Variants in ZNF14 observed in about 807,000 individuals in gnomAD.
ZNF14 encodes the protein zinc finger protein 14.
ZNF14 carries 9 observed loss-of-function variants against 11.3 expected under a neutral mutation model. The ratio of observed to expected loss-of-function variants is 0.80; its 90% CI spans 0.48 to 1.39. ZNF14 has a LOEUF of 1.39. ZNF14 is among the 40% of genes most tolerant of loss of function. The pLI is 0.00. For missense variants in ZNF14, 711 were observed against 763.9 expected (o/e 0.93, Z 0.82); for synonymous variants, 239 against 245.7 (o/e 0.97, Z 0.25).
At position 19,731,685 on chromosome 19, in the gene ZNF14, C is replaced by A. The variant is rs562399285; in HGVS notation, c.3+1271G>T. 3.9e-5 allele frequency among the ~76,000 whole-genome samples: 6 copies of A among 152,268 alleles called. No homozygotes were observed. In the South Asian group the frequency reaches 1.2e-3, roughly 32 times the overall value. On this transcript the variant is annotated intron_variant, in intron 1 of 3. Coordinates refer to ENST00000344099, the MANE Select transcript of ZNF14 (RefSeq NM_021030.3). ...AACACACTGACCTATTACAACCACA[C>A]GAGGAAAGAAAAAATCACAACATAC...
At chr19:19,719,004 G>A (rs778279498) in intron 1 of ZNF14, among the ~76,000 whole-genome samples, 1 of 152,128 alleles carries the variant, frequency 6.6e-6, no homozygotes, top group Non-Finnish European at 1.5e-5. Flanking sequence ...GGCCCCAAGT[G>A]ATCTGCCCAC....
chr19:19,720,344 T>A lies in ZNF14; in HGVS notation c.4-5857A>T, dbSNP rs2062389545. On this transcript the variant is annotated intron_variant, in intron 1 of 3. Coordinates refer to ENST00000344099, the MANE Select transcript of ZNF14 (RefSeq NM_021030.3). This position sits in a 1 kb window ranked among gnomAD's most constrained non-coding sequence, Gnocchi z 4.1. ...CATTCTGGAACATAAAACATATCTTTTTTTTTTTTTTTTGAGATGGAGTCT... is the reference window on the plus strand; with the variant it reads ...CATTCTGGAACATAAAACATATCTTATTTTTTTTTTTTTGAGATGGAGTCT... 6.6e-6 allele frequency among the ~76,000 whole-genome samples: 1 copy of A among 151,030 alleles called. No individual in the cohort carries two copies. The highest frequency in any genetic ancestry group is 2.1e-4 in the South Asian group (1 of 4,772).
At chr19:19,731,089 C>T (rs1313208744) in intron 1 of ZNF14, among the ~76,000 whole-genome samples, 1 of 152,150 alleles carries the variant, frequency 6.6e-6, no homozygotes, top group African/African-American at 2.4e-5. Flanking sequence ...TCACAACTAG[C>T]TTTTGACCCA....
Position 19,720,760 on chromosome 19 carries a change from T to C in ZNF14, c.4-6273A>G, listed in dbSNP as rs2062391047. On this transcript the variant is annotated intron_variant, in intron 1 of 3. Transcript: ENST00000344099. This position sits in a 1 kb window ranked among gnomAD's most constrained non-coding sequence, Gnocchi z 4.1. ...GACTACACAAGTGACATCAGATCAATGAGATACACAATGGAATTTCCACCT... is the reference window on the plus strand; with the variant it reads ...GACTACACAAGTGACATCAGATCAACGAGATACACAATGGAATTTCCACCT... Among the ~76,000 whole-genome samples the C allele has an allele frequency of 6.6e-6, 1 of 152,124 alleles. No individual in the cohort carries two copies. Among genetic ancestry groups the C allele is most frequent in the South Asian group, 2.1e-4 (1 of 4,826 alleles).
Position 19,722,118 on chromosome 19 carries a change from C to A in ZNF14, c.4-7631G>T, listed in dbSNP as rs1020063139. ...ACCACATAAACCAGGGTAACACAAG[C>A]ATACACACCACTGCAGACAAATGAC... On this transcript the variant is annotated intron_variant, in intron 1 of 3. Coordinates refer to ENST00000344099, the MANE Select transcript of ZNF14 (RefSeq NM_021030.3). Among the ~76,000 whole-genome samples the A allele has an allele frequency of 7.2e-5, 11 of 152,152 alleles. 1 individual carries two copies. Among genetic ancestry groups the A allele is most frequent in the Non-Finnish European group, 1.3e-4 (9 of 68,022 alleles).
At chr19:19,718,500 C>T (rs983717512) in intron 1 of ZNF14, among the ~76,000 whole-genome samples, 2 of 151,896 alleles carry the variant, frequency 1.3e-5, no homozygotes, top group East Asian at 1.9e-4. Context: ...CAGAAAATTA[C>T]AAAAAGTGGA....
intron 1 of ZNF14, among the ~76,000 whole-genome samples, chr19:19,715,032 T>C (rs1454875837): frequency 6.6e-6 from 1 of 152,168 alleles, no homozygotes; most frequent in African/African-American, 2.4e-5. Flanking sequence ...ATTTTTACTG[T>C]GATCATGTGA....
intron 1 of ZNF14, among the ~76,000 whole-genome samples, chr19:19,722,555 G>A (rs1160653657): frequency 7.9e-5 from 12 of 152,084 alleles, no homozygotes; most frequent in Non-Finnish European, 1.8e-4. Flanking sequence ...TTGCTATATG[G>A]GCTCTTTTTT....
intron 1 of ZNF14, among the ~76,000 whole-genome samples, chr19:19,719,137 C>T (rs948166004): frequency 1.3e-5 from 2 of 151,922 alleles, no homozygotes; most frequent in Non-Finnish European, 2.9e-5. Context: ...AAGACAAAAC[C>T]CCCAACCACA....
At chr19:19,723,638 G>GT (rs1212968512) in intron 1 of ZNF14, among the ~76,000 whole-genome samples, 212 of 89,126 alleles carry the variant, frequency 2.4e-3, no homozygotes, top group South Asian at 2.9e-3. Context: ...CTATTAATTG[G>GT]AATAGTTTCA....
Position 19,712,931 on chromosome 19 carries a change from G to C in ZNF14, c.350C>G (p.Ser117Cys), listed in dbSNP as rs182457256. The change falls in exon 4 of 4, where the codon TCC becomes TGC. Residue 117 changes from serine to cysteine, a missense_variant. By Grantham distance (112) the Ser-to-Cys change is moderately radical. Transcript: ENST00000344099. ...FCGRDFIHHS[S>C]LNRHMRSHTG... The stretch of plus-strand genomic sequence containing the variant: ...GTGAGATCTCATGTGCCTATTAAGG[G>C]ACGAATGATGAATGAAGTCTCTTCC... The C allele has an allele frequency of 1.8e-5, 29 of 1,614,078 alleles. No individual in the cohort carries two copies. In the African/African-American group the frequency reaches 3.6e-4, roughly 20 times the overall value.
At chr19:19,719,106 G>A (rs1387516145) in intron 1 of ZNF14, among the ~76,000 whole-genome samples, 2 of 152,098 alleles carry the variant, frequency 1.3e-5, no homozygotes, top group Admixed American at 1.3e-4. Flanking sequence ...AGAGACTGGA[G>A]TGAAATGTTT....
chr19:19,718,473 G>A (rs1262722423), intron 1 of ZNF14, among the ~76,000 whole-genome samples: 5 of 152,028 alleles, frequency 3.3e-5, no homozygotes, highest in South Asian at 2.1e-4. Context: ...CAAGACATCA[G>A]AAGATCCAAA....
Position 19,726,101 on chromosome 19 carries a change from C to G in ZNF14, c.3+6855G>C, listed in dbSNP as rs897281662. On this transcript the variant is annotated intron_variant, in intron 1 of 3. Coordinates refer to ENST00000344099, the MANE Select transcript of ZNF14 (RefSeq NM_021030.3). ...TCTCTCAACTCATCAAAGTAATTCTCTCCGTCCAGCTTTGTTCCATTGCTG... is the reference window on the plus strand; with the variant it reads ...TCTCTCAACTCATCAAAGTAATTCTGTCCGTCCAGCTTTGTTCCATTGCTG... 1.5e-5 allele frequency among the ~76,000 whole-genome samples: 2 copies of G among 135,076 alleles called. 1 individual carries two copies. Among genetic ancestry groups the G allele is most frequent in the African/African-American group, 5.5e-5 (2 of 36,588 alleles). 88.6% of individuals were successfully genotyped at this position (135,076 alleles called of 152,430 possible).
intron 1 of ZNF14, among the ~76,000 whole-genome samples, chr19:19,717,979 A>G (rs1052288888): frequency 2.0e-5 from 3 of 152,224 alleles, no homozygotes; most frequent in African/African-American, 7.2e-5. Flanking sequence ...AACCTCTGAC[A>G]TCTACGGCTA....
At position 19,711,622 on chromosome 19, in the gene ZNF14, G is replaced by C; in HGVS notation, c.1659C>G (p.His553Gln). 1 of 1,614,134 alleles carries C rather than the reference G, an allele frequency of 6.2e-7. No individual in the cohort carries two copies. Among genetic ancestry groups the C allele is most frequent in the Non-Finnish European group, 8.5e-7 (1 of 1,179,996 alleles). ...SSQIRLHERT[H>Q]TGEKPYQCKQ... ...TACATTGATACGGTTTCTCTCCAGTGTGAGTCCTTTCATGCAATCGAATTT... is the reference window on the plus strand; with the variant it reads ...TACATTGATACGGTTTCTCTCCAGTCTGAGTCCTTTCATGCAATCGAATTT... The change falls in exon 4 of 4, where the codon CAC becomes CAG. Residue 553 changes from histidine to glutamine, a missense_variant. His to Gln is a conservative substitution (Grantham distance 24). Transcript: ENST00000344099.
chr19:19,723,056 G>C (rs1459036570), intron 1 of ZNF14, among the ~76,000 whole-genome samples: 1 of 152,112 alleles, frequency 6.6e-6, no homozygotes, highest in African/African-American at 2.4e-5. Context: ...TTTCCTAATT[G>C]AATACCCTTT....
At chr19:19,716,024 G>A (rs956586522) in intron 1 of ZNF14, among the ~76,000 whole-genome samples, 1 of 152,058 alleles carries the variant, frequency 6.6e-6, no homozygotes, top group African/African-American at 2.4e-5. Flanking sequence ...GGAACGTATG[G>A]CAACTTACAC....
chr19:19,715,989 G>C (rs1007366467), intron 1 of ZNF14, among the ~76,000 whole-genome samples: 4 of 152,070 alleles, frequency 2.6e-5, no homozygotes, highest in African/African-American at 9.7e-5. Flanking sequence ...GAGATTACTA[G>C]GAAGTTAGAG....
Sources: allele counts gnomAD v4.1 joint callset (sites outside exome capture counted in the v4.1 genomes callset), GRCh38; gene constraint gnomAD v4.1.1; non-coding constraint Gnocchi (gnomAD v3.1); transcripts MANE v1.5; gene names NCBI Gene and HGNC (gene_info 2026-07-23, HGNC 2026-07-21).